The following UNC79 variants were observed in gnomAD, a reference collection of about 807,000 sequenced individuals.
UNC79 encodes the protein protein unc-79 homolog.
In UNC79, 37 loss-of-function variants were observed where a neutral mutation model predicts 283.1. The ratio of observed to expected loss-of-function variants is 0.13; its 90% CI spans 0.10 to 0.17. The LOEUF is 0.17. UNC79 is among the 10% of genes least tolerant of loss of function. The pLI is 1.00. For missense variants in UNC79, 2,272 were observed against 3,211.1 expected (o/e 0.71, Z 7.07); for synonymous variants, 1,107 against 1,200.2 (o/e 0.92, Z 1.61).
exon 23 of UNC79, chr14:93,593,785 A>G: frequency 6.2e-7 from 1 of 1,614,034 alleles, no homozygotes; most frequent in Non-Finnish European, 8.5e-7. Flanking sequence ...TCTTCTGGAC[A>G]ATCATAAATG....
In UNC79 at chr14:93,339,331, A is replaced by G. The variant is rs199792013; in HGVS notation, c.-351+5808A>G. ...TTCTTTTTTTTTGAGACAGAGTCTC[A>G]CTGTGTTGCCCAGGCTGGAGTGCAG... On this transcript the variant is annotated intron_variant, in intron 1 of 49. Coordinates refer to the UNC79 transcript ENST00000256339. Among the ~76,000 whole-genome samples, 319 of 151,962 alleles carry G rather than the reference A, an allele frequency of 2.1e-3. 5 individuals are homozygous for G. The East Asian group carries it at 0.023, about 11-fold the overall frequency.
rs182706485 is a variant in UNC79 at position 93,442,027 on chromosome 14, G to A, written c.22+10976G>A. Among the ~76,000 whole-genome samples, 784 of 152,102 alleles carry A rather than the reference G, an allele frequency of 5.2e-3. 6 individuals are homozygous for A. Among genetic ancestry groups the A allele is most frequent in the African/African-American group, 0.018 (736 of 41,510 alleles). ...ACATAAAATCTTTGACTTATATTTCGCCAACTTGAGTATTTTAAATTTGTC... is the reference window on the plus strand; with the variant it reads ...ACATAAAATCTTTGACTTATATTTCACCAACTTGAGTATTTTAAATTTGTC... On this transcript the variant is annotated intron_variant, in intron 1 of 48. Transcript: ENST00000555664.
intron 1 of UNC79, among the ~76,000 whole-genome samples, chr14:93,339,753 C>G (rs2053664257): frequency 2.0e-5 from 3 of 152,234 alleles, no homozygotes; most frequent in African/African-American, 7.2e-5. Context: ...CCGTGTTGCT[C>G]TCCTTGTACT....
rs866330151 is a variant in UNC79, at chr14:93,493,903, T to A, written c.713-2508T>A. Among the ~76,000 whole-genome samples, 496 of 89,452 alleles carry A rather than the reference T, an allele frequency of 5.5e-3. 3 individuals carry two copies. In the East Asian group the frequency reaches 0.091, roughly 16 times the overall value. 58.7% of individuals were successfully genotyped at this position (89,452 alleles called of 152,430 possible). A position where few individuals can be genotyped will look rare whatever the true frequency, so the allele number is the denominator to read the frequency against. Reference sequence around the variant, plus strand: ...TATATATATATATATATATATATATTTTTTTTTTTTTTTTTTTGAGATAGA... The same window carrying A: ...TATATATATATATATATATATATATATTTTTTTTTTTTTTTTTGAGATAGA... On this transcript the variant is annotated intron_variant, in intron 5 of 48. Coordinates refer to ENST00000555664, the Ensembl canonical transcript of UNC79.
At chr14:93,343,784 A>G (rs11160116) in intron 1 of UNC79, among the ~76,000 whole-genome samples, 11,192 of 151,646 alleles carry the variant, frequency 0.074, 873 homozygotes, top group African/African-American at 0.19. Context: ...CATTGTGTAC[A>G]TACAGCTCAG....
chr14:93,530,136 G>A lies in UNC79; in HGVS notation c.1093+810G>A, dbSNP rs780809834. On this transcript the variant is annotated intron_variant, in intron 10 of 48. Coordinates refer to ENST00000555664, the Ensembl canonical transcript of UNC79. ...ATCCTAGCTAACATGGTGAAACCCCGTATAAAAAATTAGCCAGGCATGGTG... is the reference window on the plus strand; with the variant it reads ...ATCCTAGCTAACATGGTGAAACCCCATATAAAAAATTAGCCAGGCATGGTG... Among the ~76,000 whole-genome samples the A allele has an allele frequency of 3.9e-5, 6 of 152,244 alleles. No homozygotes were observed. In the East Asian group the frequency reaches 5.8e-4, roughly 15 times the overall value.
intron 2 of UNC79, among the ~76,000 whole-genome samples, chr14:93,471,534 G>A (rs2057507503): frequency 6.6e-6 from 1 of 151,114 alleles, no homozygotes; most frequent in Non-Finnish European, 1.5e-5. Flanking sequence ...TGGGGAAAAT[G>A]GTTTTATCAG....
At chr14:93,380,310 A>G (rs8016903) in intron 1 of UNC79, among the ~76,000 whole-genome samples, 6,036 of 152,274 alleles carry the variant, frequency 0.04, 416 homozygotes, top group African/African-American at 0.14. Context: ...TGAAGATCAT[A>G]TATGTAGTAA....
In UNC79 at chr14:93,621,614, T is replaced by C. The variant is rs1028848818; in HGVS notation, c.4388-7T>C. On this transcript the variant is annotated splice_polypyrimidine_tract_variant and splice_region_variant and intron_variant, in intron 29 of 48. Coordinates refer to ENST00000555664, the Ensembl canonical transcript of UNC79. This position sits in a 1 kb window ranked among gnomAD's most constrained non-coding sequence, Gnocchi z 4.8. The stretch of plus-strand genomic sequence containing the variant: ...AAAATAGTACTAGCTTTTTCTGTTT[T>C]GATCAGGTGAAATAGAACTGGCTGA... 4.6e-6 allele frequency: 7 copies of C among 1,532,500 alleles called. No homozygotes were observed. In the African/African-American group the frequency reaches 9.7e-5, roughly 21 times the overall value. The allele number at this position is 1,532,500 out of a possible 1,614,324, so 94.9% of individuals were successfully genotyped here. A position where few individuals can be genotyped will look rare whatever the true frequency, so the allele number is the denominator to read the frequency against.
intron 7 of UNC79, 92 bp from the exon 8 acceptor site, chr14:93,523,885 GT>G (rs1330479646): frequency 7.3e-7 from 1 of 1,371,232 alleles, no homozygotes; most frequent in Non-Finnish European, 1.0e-6. Context: ...TGATGGTTCT[GT>G]TTAGAAAAAA....
intron 11 of UNC79, among the ~76,000 whole-genome samples, chr14:93,536,782 C>G (rs34525413): frequency 1.2e-5 from 1 of 82,438 alleles, no homozygotes; most frequent in Non-Finnish European, 2.4e-5. Context: ...CCACCCCCGG[C>G]TTTTTTTTTT....
chr14:93,497,681 C>T (rs1310382754), intron 7 of UNC79, among the ~76,000 whole-genome samples: 1 of 152,146 alleles, frequency 6.6e-6, no homozygotes, highest in Non-Finnish European at 1.5e-5. Flanking sequence ...CCAGCTCATG[C>T]ACTAAATAAA....
At chr14:93,371,673 T>C (rs1428235854) in intron 1 of UNC79, among the ~76,000 whole-genome samples, 3 of 151,714 alleles carry the variant, frequency 2.0e-5, no homozygotes, top group African/African-American at 7.3e-5. Context: ...ACCCTGTTTC[T>C]ACTAAAAAAT....
chr14:93,578,125 C>T (rs1341082187), intron 18 of UNC79, 62 bp downstream of exon 18: 1 of 1,461,422 alleles, frequency 6.8e-7, no homozygotes, highest in African/African-American at 1.4e-5. Context: ...CGTTGTACAG[C>T]AATTCTTTCC....
At chr14:93,577,956 T>C in exon 18 of UNC79, 1 of 1,614,224 alleles carries the variant, frequency 6.2e-7, no homozygotes, top group Non-Finnish European at 8.5e-7. Flanking sequence ...TCGTAGCCCT[T>C]TCAAGAATTT....
chr14:93,484,897 T>C (rs939436264), intron 4 of UNC79, among the ~76,000 whole-genome samples: 3 of 152,186 alleles, frequency 2.0e-5, no homozygotes, highest in Admixed American at 2.0e-4. Context: ...GCTTTTGGCC[T>C]CCTGGCTGGT....
At chr14:93,699,545 G>GT (rs1304895254) in intron 47 of UNC79, among the ~76,000 whole-genome samples, 1 of 152,008 alleles carries the variant, frequency 6.6e-6, no homozygotes, top group Non-Finnish European at 1.5e-5. Flanking sequence ...TTAGAAGTGT[G>GT]TTTTTTAATT....
intron 1 of UNC79, among the ~76,000 whole-genome samples, chr14:93,403,168 A>C (rs1566914330): frequency 6.6e-6 from 1 of 152,198 alleles, no homozygotes; most frequent in Non-Finnish European, 1.5e-5. Flanking sequence ...CTTATGCCTT[A>C]GTCTGGCTCA....
intron 1 of UNC79, among the ~76,000 whole-genome samples, chr14:93,377,096 C>CTTTT (rs3059767): frequency 1.9e-5 from 2 of 108,084 alleles, no homozygotes; most frequent in African/African-American, 7.2e-5. Flanking sequence ...ATAGTTGTTT[C>CTTTT]TTTTTTTTTT....
Sources: gnomAD v4.1 joint callset for allele counts (sites outside exome capture counted in the v4.1 genomes callset) on GRCh38, gnomAD v4.1.1 for gene constraint, Gnocchi (gnomAD v3.1) non-coding constraint, MANE v1.5 for transcripts, NCBI Gene and HGNC (gene_info 2026-07-23, HGNC 2026-07-21) for gene names.